The following CRTAP variants were observed in gnomAD, a reference collection of about 807,000 sequenced individuals.
The protein encoded by CRTAP is cartilage-associated protein.
In CRTAP, 33 loss-of-function variants were observed where a neutral mutation model predicts 42.7. The ratio of observed to expected loss-of-function variants is 0.77; its 90% CI spans 0.59 to 1.03. The LOEUF (loss-of-function observed/expected upper bound fraction) is 1.03. Ranked by LOEUF, CRTAP falls within the 50% of genes least tolerant of loss-of-function variation. The pLI is 0.00. For missense variants in CRTAP, 613 were observed against 533.9 expected, an observed-to-expected ratio of 1.15 and a Z score of -1.46; for synonymous variants, 243 against 217.7, an observed-to-expected ratio of 1.12 and a Z score of -1.02.
chr3:33,131,969 C>G (rs538704106), intron 4 of CRTAP, among the ~76,000 whole-genome samples: 5 of 151,858 alleles, frequency 3.3e-5, no homozygotes, highest in Non-Finnish European at 7.4e-5. Context: ...CTGCAAAATC[C>G]CTATGCTGAA....
chr3:33,117,087 A>G (rs1201217489), intron 1 of CRTAP, among the ~76,000 whole-genome samples: 1 of 151,932 alleles, frequency 6.6e-6, no homozygotes, highest in African/African-American at 2.4e-5. Flanking sequence ...AGCCTGGGTG[A>G]CAGAACAAGA....
In CRTAP at chr3:33,114,162, G is replaced by C. The variant is rs766784647; in HGVS notation, c.85G>C (p.Glu29Gln). 1.2e-4 allele frequency: 184 copies of C among 1,586,990 alleles called. No individual in the cohort carries two copies. The highest frequency in any genetic ancestry group is 1.3e-4 in the Non-Finnish European group (156 of 1,174,442). ...CALRAGRAQY[E>Q]RYSFRSFPRD... ...GCTGCGCGCCGGGCGCGCCCAATAC[G>C]AACGCTACAGCTTCCGCAGCTTCCC... Residue 29 changes from glutamate (E) to glutamine (Q), a missense_variant, in exon 1 of 7, where the codon GAA becomes CAA. Physicochemically the swap from Glu to Gln is conservative, Grantham distance 29 (BLOSUM62 2). Coordinates refer to ENST00000320954, the MANE Select transcript of CRTAP (RefSeq NM_006371.5).
In CRTAP at chr3:33,145,035, T is replaced by G. The variant is rs970588760; in HGVS notation, c.*2587T>G. On this transcript the variant is annotated 3_prime_UTR_variant, in exon 7 of 7. Transcript: ENST00000320954. The surrounding 1 kb of genome is among the most constrained non-coding windows in gnomAD (Gnocchi z 4.3). The stretch of plus-strand genomic sequence containing the variant: ...GGAATAAAAGGATAGAGTGTTTGGG[T>G]TTTTGTGTAATGGTGGTTAATTGGG... 1 of 152,156 alleles carries G rather than the reference T, an allele frequency of 6.6e-6. No homozygotes were observed. The highest frequency in any genetic ancestry group is 1.5e-5 in the Non-Finnish European group (1 of 68,054). 9.4% of individuals were successfully genotyped at this position (152,156 alleles called of 1,614,324 possible).
At chr3:33,136,721 C>G in intron 6 of CRTAP, among the ~76,000 whole-genome samples, 1 of 152,278 alleles carries the variant, frequency 6.6e-6, no homozygotes, top group South Asian at 2.1e-4. Flanking sequence ...GCATGCCACA[C>G]TCTTTTAAAC....
chr3:33,132,850 C>T (rs1402226147), intron 5 of CRTAP, 150 bp downstream of exon 5: 5 of 883,262 alleles, frequency 5.7e-6, no homozygotes, highest in Admixed American at 2.1e-5. Context: ...GAGGCCGAGG[C>T]GGGCGGATCA....
chr3:33,124,472 T>G lies in CRTAP; in HGVS notation c.686T>G (p.Met229Arg). The G allele has an allele frequency of 6.2e-7, 1 of 1,614,172 alleles. No homozygotes were observed. The highest frequency in any genetic ancestry group is 8.5e-7 in the Non-Finnish European group (1 of 1,180,024). ...AACTGGAGAACATCCATCACAGACA[T>G]GGAGCTGGCCCTTCCCGACTTCTTC... ...GENWRTSITD[M>R]ELALPDFFKA... is the part of the protein sequence containing the mutation. The change falls in exon 3 of 7, where the codon ATG (methionine) becomes AGG (arginine). Residue 229 changes from methionine to arginine, a missense_variant. Transcript: ENST00000320954.
At chr3:33,130,829 C>G (rs1245189565) in intron 4 of CRTAP, among the ~76,000 whole-genome samples, 1 of 152,130 alleles carries the variant, frequency 6.6e-6, no homozygotes, top group South Asian at 2.1e-4. Context: ...CCACTGCGCC[C>G]GTCCTGTTAG....
chr3:33,135,863 A>G (rs1259449402), intron 6 of CRTAP, among the ~76,000 whole-genome samples: 1 of 152,184 alleles, frequency 6.6e-6, no homozygotes, highest in Non-Finnish European at 1.5e-5. Flanking sequence ...TTTTTCTAAA[A>G]CAGCTTTATT....
chr3:33,130,173 C>T, intron 4 of CRTAP, 106 bp downstream of exon 4: 2 of 1,094,682 alleles, frequency 1.8e-6, no homozygotes, highest in Non-Finnish European at 2.8e-6. Flanking sequence ...CATCAAGGTC[C>T]ACTGACAACC....
At chr3:33,119,598 G>A (rs1356490991) in intron 1 of CRTAP, among the ~76,000 whole-genome samples, 1 of 152,200 alleles carries the variant, frequency 6.6e-6, no homozygotes, top group East Asian at 1.9e-4. Flanking sequence ...GAATAAGTGA[G>A]GAGGTGGTGG....
intron 3 of CRTAP, among the ~76,000 whole-genome samples, chr3:33,126,130 C>T (rs2030062368): frequency 6.6e-6 from 1 of 152,182 alleles, no homozygotes; most frequent in Non-Finnish European, 1.5e-5. Flanking sequence ...CCCATATCCC[C>T]TTCCCCCCAG....
rs1404086318 is a variant in CRTAP, at chr3:33,129,942, A to G, written c.797A>G (p.His266Arg). Residue 266 changes from histidine (H) to arginine (R), a missense_variant, in exon 4 of 7, where the codon CAT (histidine) becomes CGT (arginine). Transcript: ENST00000320954. ...AAATTTATATGTTTTGTTTCAGATC[A>G]TTATGTAGAAGTTCTGGAATGCAAA... Reference protein sequence around the residue: ...FKDFYLSIADHYVEVLECKIQ... With the variant: ...FKDFYLSIADRYVEVLECKIQ... The G allele has an allele frequency of 6.2e-7, 1 of 1,613,158 alleles. No homozygotes were observed. Among genetic ancestry groups the G allele is most frequent in the Non-Finnish European group, 8.5e-7 (1 of 1,179,148 alleles).
Position 33,142,538 on chromosome 3 carries a change from G to A in CRTAP, c.*90G>A. 8.0e-7 allele frequency: 1 copy of A among 1,254,060 alleles called. No homozygotes were observed. The highest frequency in any genetic ancestry group is 1.2e-5 in the South Asian group (1 of 83,474). 77.7% of individuals were successfully genotyped at this position (1,254,060 alleles called of 1,614,324 possible). A position where few individuals can be genotyped will look rare whatever the true frequency, so the allele number is the denominator to read the frequency against. ...AACAGCCCAGGCTGTTGATACCTCAGAGCCTTCTCTTTACTCTCCAAAGTG... is the reference window on the plus strand; with the variant it reads ...AACAGCCCAGGCTGTTGATACCTCAAAGCCTTCTCTTTACTCTCCAAAGTG... On this transcript the variant is annotated 3_prime_UTR_variant, in exon 7 of 7. Transcript: ENST00000320954.
At chr3:33,124,336 C>T in intron 2 of CRTAP, 72 bp from the exon 3 acceptor site, 3 of 1,588,800 alleles carry the variant, frequency 1.9e-6, no homozygotes, top group Non-Finnish European at 1.7e-6. Context: ...GGTCTTGGTT[C>T]CCTTTGAGAT....
intron 3 of CRTAP, among the ~76,000 whole-genome samples, chr3:33,127,443 ATTTATTTAT>A (rs1315116555): frequency 8.5e-6 from 1 of 118,208 alleles, no homozygotes; most frequent in Non-Finnish European, 1.8e-5. Context: ...TTATTATTTT[ATTTATTTAT>A]TTATTTATTT....
Position 33,141,444 on chromosome 3 carries a change from A to AC in CRTAP, c.1153-945dup, listed in dbSNP as rs1024449090. 4.6e-5 allele frequency among the ~76,000 whole-genome samples: 7 copies of AC among 151,858 alleles called. No individual in the cohort carries two copies. The East Asian group carries it at 7.7e-4, about 17-fold the overall frequency. On this transcript the variant is annotated intron_variant, in intron 6 of 6. Coordinates refer to ENST00000320954, the MANE Select transcript of CRTAP (RefSeq NM_006371.5). Reference sequence around the variant, plus strand: ...AGAAGTATTTGATGATAATACTAAGACCCCCCATTTGTGTCTCATGTACTT... The same window carrying AC: ...AGAAGTATTTGATGATAATACTAAGACCCCCCCATTTGTGTCTCATGTACTT...
chr3:33,124,499 A>G lies in CRTAP; in HGVS notation c.713A>G (p.Lys238Arg). 6.2e-7 allele frequency: 1 copy of G among 1,614,228 alleles called. No homozygotes were observed. Among genetic ancestry groups the G allele is most frequent in the Non-Finnish European group, 8.5e-7 (1 of 1,180,040 alleles). The change falls in exon 3 of 7, where the codon AAA (lysine) becomes AGA (arginine). Residue 238 changes from lysine (K) to arginine (R), a missense_variant. By Grantham distance (26) the Lys-to-Arg change is conservative (BLOSUM62 2). Transcript: ENST00000320954. ...DMELALPDFF[K>R]AFYECLAACE... Reference sequence around the variant, plus strand: ...GAGCTGGCCCTTCCCGACTTCTTCAAAGCCTTTTACGAGTGTCTCGCAGCC... The same window carrying G: ...GAGCTGGCCCTTCCCGACTTCTTCAGAGCCTTTTACGAGTGTCTCGCAGCC...
In CRTAP at chr3:33,142,664, C is replaced by T; in HGVS notation, c.*216C>T. ...TCATGTTCACACCTATCTTTCTCAC[C>T]TTTTTTTTGAGATGGAGTCTCGCTC... On this transcript the variant is annotated 3_prime_UTR_variant, in exon 7 of 7. Transcript: ENST00000320954. 1.9e-6 allele frequency: 1 copy of T among 535,996 alleles called. No homozygotes were observed. Among genetic ancestry groups the T allele is most frequent in the East Asian group, 3.2e-5 (1 of 31,390 alleles). The allele number at this position is 535,996 out of a possible 1,614,324, so 33.2% of individuals were successfully genotyped here.
chr3:33,136,022 C>T (rs1377085523), intron 6 of CRTAP, among the ~76,000 whole-genome samples: 1 of 152,190 alleles, frequency 6.6e-6, no homozygotes. Flanking sequence ...AGCTAAGTCA[C>T]TTCCCATTTC....
Sources: allele counts gnomAD v4.1 joint callset (sites outside exome capture counted in the v4.1 genomes callset), GRCh38; gene constraint gnomAD v4.1.1; non-coding constraint Gnocchi (gnomAD v3.1); transcripts MANE v1.5; gene names NCBI Gene and HGNC (gene_info 2026-07-23, HGNC 2026-07-21).